PUS10: variants seen among roughly 807,000 people sequenced by gnomAD.
PUS10 encodes the protein pseudouridine synthase 10.
In PUS10, 59 loss-of-function variants were observed where a neutral mutation model predicts 75.0. The observed-to-expected ratio is 0.79, with a 90% CI of 0.64 to 0.98. The LOEUF is 0.98. PUS10 is among the 50% of genes least tolerant of loss of function. PUS10 has a pLI of 0.00. For missense variants in PUS10, 650 were observed against 614.4 expected, an observed-to-expected ratio of 1.06 and a Z score of -0.61; for synonymous variants, 219 against 211.6, an observed-to-expected ratio of 1.03 and a Z score of -0.30.
intron 4 of PUS10, among the ~76,000 whole-genome samples, chr2:60,974,138 C>G (rs564209725): frequency 4.6e-5 from 7 of 152,170 alleles, no homozygotes; most frequent in Admixed American, 3.9e-4. Flanking sequence ...TATCGGGACA[C>G]CCTGGCTATG....
chr2:60,969,019 A>C (rs1337060747), intron 5 of PUS10, among the ~76,000 whole-genome samples: 2 of 152,228 alleles, frequency 1.3e-5, no homozygotes, highest in Non-Finnish European at 2.9e-5. Context: ...ATGAAAATAC[A>C]TTTTAAAGAA....
At chr2:61,001,477 A>G (rs1311138413) in intron 4 of PUS10, among the ~76,000 whole-genome samples, 1 of 152,022 alleles carries the variant, frequency 6.6e-6, no homozygotes, top group African/African-American at 2.4e-5. Flanking sequence ...GGATTTTACT[A>G]TGTTGGCTAG....
intron 1 of PUS10, among the ~76,000 whole-genome samples, chr2:61,016,767 G>T (rs1352082042): frequency 1.3e-5 from 2 of 152,132 alleles, no homozygotes; most frequent in Non-Finnish European, 2.9e-5. Flanking sequence ...AAGGGGCAGG[G>T]TATAAGAAAA....
chr2:60,962,845 T>G lies in PUS10; in HGVS notation c.769A>C (p.Lys257Gln). The G allele has an allele frequency of 6.3e-7, 1 of 1,579,298 alleles. No individual in the cohort carries two copies. The highest frequency in any genetic ancestry group is 8.6e-7 in the Non-Finnish European group (1 of 1,167,326). ...ACTTACTTAAGGAAATCCTCTTCCT[T>G]TATCTTATTCAAGGCTTTCATAACT... ...MAVMKALNKIKEEDFLKQFPC... is the reference protein window; with the variant it reads ...MAVMKALNKIQEEDFLKQFPC... The change falls in exon 9 of 18, where the codon AAG becomes CAG. Residue 257 changes from lysine to glutamine, a missense_variant. By Grantham distance (53) the Lys-to-Gln change is moderately conservative. Coordinates refer to ENST00000316752, the MANE Select transcript of PUS10 (RefSeq NM_144709.4).
intron 4 of PUS10, among the ~76,000 whole-genome samples, chr2:60,985,938 CAAA>C (rs59173202): frequency 0.019 from 1,594 of 82,200 alleles, 30 homozygotes; most frequent in African/African-American, 0.057. Flanking sequence ...CAGACTTCAC[CAAA>C]AAAAAAAAAA....
rs979441580 is a variant in PUS10 at position 61,004,143 on chromosome 2, T to C, written c.468+2414A>G. 4.6e-5 allele frequency among the ~76,000 whole-genome samples: 7 copies of C among 152,314 alleles called. No homozygotes were observed. In the East Asian group the frequency reaches 1.3e-3, roughly 29 times the overall value. On this transcript the variant is annotated intron_variant, in intron 4 of 17. Coordinates refer to ENST00000316752, the MANE Select transcript of PUS10 (RefSeq NM_144709.4). ...AAGGTCTAAGTTGAAAGCCACAATG[T>C]AGAACATGGCACTAGAGAAATCACA...
At chr2:60,960,700 A>G (rs1009720260) in intron 10 of PUS10, among the ~76,000 whole-genome samples, 183 bp from the exon 11 acceptor site, 1 of 152,192 alleles carries the variant, frequency 6.6e-6, no homozygotes, top group African/African-American at 2.4e-5. Context: ...ATAATTAAAT[A>G]AAAAGGTTTA....
At chr2:60,947,453 T>G (rs1178753368) in intron 16 of PUS10, among the ~76,000 whole-genome samples, 1 of 152,220 alleles carries the variant, frequency 6.6e-6, no homozygotes, top group Non-Finnish European at 1.5e-5. Flanking sequence ...CTCAGCATTG[T>G]GTAAGACACT....
At chr2:60,946,065 A>T (rs570170966) in intron 16 of PUS10, among the ~76,000 whole-genome samples, 1 of 152,340 alleles carries the variant, frequency 6.6e-6, no homozygotes, top group Admixed American at 6.5e-5. Flanking sequence ...TAAGACATAT[A>T]ATTATCTAGT....
At chr2:60,979,809 T>C (rs1037415468) in intron 4 of PUS10, among the ~76,000 whole-genome samples, 2 of 152,228 alleles carry the variant, frequency 1.3e-5, no homozygotes, top group Non-Finnish European at 2.9e-5. Flanking sequence ...ATTGAAAAGG[T>C]TGAAGATCTT....
chr2:60,987,017 C>T (rs989075965), intron 4 of PUS10, among the ~76,000 whole-genome samples: 7 of 152,054 alleles, frequency 4.6e-5, no homozygotes, highest in African/African-American at 1.4e-4. Context: ...TTCAGTAATT[C>T]GAAAAATAAA....
At chr2:61,010,707 C>A in intron 2 of PUS10, 1 of 1,443,422 alleles carries the variant, frequency 6.9e-7, no homozygotes, top group Non-Finnish European at 9.4e-7. Flanking sequence ...TATCATCATT[C>A]CCATTTACAG....
chr2:60,955,121 T>A (rs1675569511), intron 11 of PUS10, 47 bp from the exon 12 acceptor site: 2 of 1,227,726 alleles, frequency 1.6e-6, no homozygotes, highest in Non-Finnish European at 2.3e-6. Flanking sequence ...ATCATAGCTC[T>A]AAGATATTCA....
At chr2:60,980,925 T>C (rs1677348522) in intron 4 of PUS10, among the ~76,000 whole-genome samples, 1 of 152,178 alleles carries the variant, frequency 6.6e-6, no homozygotes. Context: ...AGAGACTCAC[T>C]CTGTTGCCCA....
chr2:60,942,323 T>G lies in PUS10; in HGVS notation c.*72A>C. ...ACCGTTATGGTGGGTAAACAGCCAT[T>G]TTACGGCATGTGCTCCATGGATGTC... On this transcript the variant is annotated 3_prime_UTR_variant, in exon 18 of 18. Transcript: ENST00000316752. The G allele has an allele frequency of 7.8e-7, 1 of 1,278,236 alleles. No individual in the cohort carries two copies. Among genetic ancestry groups the G allele is most frequent in the East Asian group, 2.3e-5 (1 of 43,318 alleles). The allele number at this position is 1,278,236 out of a possible 1,614,324, so 79.2% of individuals were successfully genotyped here.
At chr2:60,954,211 T>C (rs567666377) in intron 12 of PUS10, 53 bp from the exon 13 acceptor site, 220 of 1,574,160 alleles carry the variant, frequency 1.4e-4, no homozygotes, top group Non-Finnish European at 1.9e-4. Context: ...GAGTTAACAT[T>C]TGGGCTAATG....
In PUS10 at chr2:61,008,867, G is replaced by C; in HGVS notation, c.275C>G (p.Ser92Cys). 6.2e-7 allele frequency: 1 copy of C among 1,613,786 alleles called. No individual in the cohort carries two copies. Among genetic ancestry groups the C allele is most frequent in the Non-Finnish European group, 8.5e-7 (1 of 1,179,816 alleles). Reference protein sequence around the residue: ...NLSQNGEGRISVSHVGSTASK... With the variant: ...NLSQNGEGRICVSHVGSTASK... ...AGCAGTGCTTCCAACATGACTAACA[G>C]AGATCCTTCCCTCTCCATTTTGACT... is the stretch of plus-strand genomic sequence containing the variant. The change falls in exon 3 of 18, where the codon TCT becomes TGT. Residue 92 changes from serine (S) to cysteine (C), a missense_variant. Ser to Cys is a moderately radical substitution (Grantham distance 112). Coordinates refer to ENST00000316752, the MANE Select transcript of PUS10 (RefSeq NM_144709.4).
At chr2:60,947,966 C>G (rs1347024380) in intron 16 of PUS10, 77 bp downstream of exon 16, 6 of 1,511,782 alleles carry the variant, frequency 4.0e-6, no homozygotes, top group Non-Finnish European at 4.6e-6. Flanking sequence ...CCAAGCTGAC[C>G]CTGTTTTCTA....
At chr2:60,971,653 G>T in intron 4 of PUS10, 96 bp from the exon 5 acceptor site, 2 of 1,162,454 alleles carry the variant, frequency 1.7e-6, no homozygotes, top group Non-Finnish European at 2.5e-6. Context: ...TTAACTATTT[G>T]CTAATCAAAC....
Sources: gnomAD v4.1 joint callset for allele counts (sites outside exome capture counted in the v4.1 genomes callset) on GRCh38, gnomAD v4.1.1 for gene constraint, MANE v1.5 for transcripts, NCBI Gene and HGNC (gene_info 2026-07-23, HGNC 2026-07-21) for gene names.